Variants in SLC44A5 observed in about 807,000 individuals in gnomAD.
SLC44A5 encodes the protein choline transporter-like protein 5.
Under a neutral mutation model 101.8 loss-of-function variants are expected in SLC44A5, and 57 were observed. The observed-to-expected ratio is 0.56, with a 90% CI of 0.45 to 0.70. The LOEUF is 0.70. Ranked by LOEUF, SLC44A5 falls within the 30% of genes least tolerant of loss-of-function variation. The pLI is 0.00. For missense variants in SLC44A5, 737 were observed against 853.1 expected (o/e 0.86, Z 1.70); for synonymous variants, 281 against 290.9 (o/e 0.97, Z 0.35).
chr1:75,241,544 C>T (rs1451917059), intron 9 of SLC44A5, among the ~76,000 whole-genome samples: 1 of 151,924 alleles, frequency 6.6e-6, no homozygotes, highest in African/African-American at 2.4e-5. Flanking sequence ...GTATACAGTT[C>T]ATAATTTTAA....
At chr1:75,229,700 ATATT>A (rs1470270892) in intron 12 of SLC44A5, among the ~76,000 whole-genome samples, 5 of 152,190 alleles carry the variant, frequency 3.3e-5, no homozygotes, top group African/African-American at 4.8e-5. Context: ...TCTAAGATAT[ATATT>A]ACTTAGGCTA....
chr1:75,641,843 ACCT>A, the SLC44A5 span: 2 of 1,504,844 alleles, frequency 1.3e-6, no homozygotes, highest in Non-Finnish European at 1.9e-6. Flanking sequence ...CCTCAAAATA[ACCT>A]CCTCTTCAAA....
chr1:75,618,017 G>T, the SLC44A5 span, among the ~76,000 whole-genome samples: 1 of 152,336 alleles, frequency 6.6e-6, no homozygotes, highest in Admixed American at 6.5e-5. Context: ...ATTCGTGGAG[G>T]TATGATAACT....
At chr1:75,499,733 CATT>C in intron 2 of SLC44A5, among the ~76,000 whole-genome samples, 1 of 152,132 alleles carries the variant, frequency 6.6e-6, no homozygotes, top group East Asian at 1.9e-4. Flanking sequence ...AATACTGTAT[CATT>C]TCATGTGAAC....
chr1:75,686,127 C>T, the SLC44A5 span, among the ~76,000 whole-genome samples: 1 of 152,166 alleles, frequency 6.6e-6, no homozygotes, highest in Non-Finnish European at 1.5e-5. Context: ...CACCAGGTCC[C>T]TCCCATGACA....
chr1:75,228,211 GA>G (rs1266574106), intron 12 of SLC44A5, among the ~76,000 whole-genome samples: 7 of 152,050 alleles, frequency 4.6e-5, no homozygotes, highest in African/African-American at 1.7e-4. Context: ...ACGAATTTAT[GA>G]TTATCCATTT....
intron 6 of SLC44A5, among the ~76,000 whole-genome samples, chr1:75,264,561 A>C (rs1215503328): frequency 1.3e-5 from 2 of 152,256 alleles, no homozygotes; most frequent in Non-Finnish European, 2.9e-5. Context: ...GTCAAGAAAG[A>C]AATTAGGAGG....
intron 2 of SLC44A5, among the ~76,000 whole-genome samples, chr1:75,509,436 G>C (rs888599814): frequency 6.6e-6 from 1 of 152,178 alleles, no homozygotes; most frequent in Admixed American, 6.5e-5. Context: ...TGATCGGAAA[G>C]GCTTTAAATA....
chr1:75,702,646 A>C, the SLC44A5 span, among the ~76,000 whole-genome samples: 5 of 152,218 alleles, frequency 3.3e-5, no homozygotes, highest in African/African-American at 1.2e-4. Context: ...AACAAAAGCC[A>C]AAATTGACAA....
chr1:75,449,240 T>C (rs933531665), intron 2 of SLC44A5, among the ~76,000 whole-genome samples: 1 of 152,226 alleles, frequency 6.6e-6, no homozygotes, highest in Non-Finnish European at 1.5e-5. Context: ...AATTTTGGCT[T>C]GTTGCTTTCA....
chr1:75,673,199 C>T, the SLC44A5 span, among the ~76,000 whole-genome samples: 2,782 of 152,150 alleles, frequency 0.018, 97 homozygotes, highest in African/African-American at 0.062. Context: ...TCTAAACCTG[C>T]CCTGTGCCAG....
intron 2 of SLC44A5, among the ~76,000 whole-genome samples, chr1:75,423,804 C>A (rs1052511612): frequency 6.6e-6 from 1 of 152,190 alleles, no homozygotes; most frequent in Non-Finnish European, 1.5e-5. Flanking sequence ...CACTTGCATA[C>A]CCATTAAGTT....
At chr1:75,501,610 C>T (rs1557851945) in intron 2 of SLC44A5, among the ~76,000 whole-genome samples, 1 of 152,132 alleles carries the variant, frequency 6.6e-6, no homozygotes, top group African/African-American at 2.4e-5. Flanking sequence ...TTGAAAGAAA[C>T]ATGATCAAGT....
At chr1:75,222,099 G>C (rs2100512578) in intron 14 of SLC44A5, among the ~76,000 whole-genome samples, 1 of 151,828 alleles carries the variant, frequency 6.6e-6, no homozygotes, top group East Asian at 1.9e-4. Flanking sequence ...GCTGGTTACA[G>C]GCATGCGCCA....
chr1:75,237,147 G>T, intron 10 of SLC44A5, 77 bp from the exon 11 acceptor site: 2 of 842,662 alleles, frequency 2.4e-6, no homozygotes, highest in South Asian at 1.7e-5. Context: ...TGATAAAAGG[G>T]ATTCTGCAAG....
chr1:75,508,874 C>T (rs1160204531), intron 2 of SLC44A5, among the ~76,000 whole-genome samples: 3 of 152,068 alleles, frequency 2.0e-5, no homozygotes, highest in Non-Finnish European at 4.4e-5. Context: ...TGAAAAAATG[C>T]TAAATCATTT....
At chr1:75,434,732 T>C (rs567041139) in intron 2 of SLC44A5, among the ~76,000 whole-genome samples, 5 of 152,234 alleles carry the variant, frequency 3.3e-5, no homozygotes, top group Non-Finnish European at 7.4e-5. Context: ...TCTTTCCACT[T>C]ATTTCTAGAA....
At chr1:75,675,999 A>G in the SLC44A5 span, among the ~76,000 whole-genome samples, 1 of 152,242 alleles carries the variant, frequency 6.6e-6, no homozygotes, top group African/African-American at 2.4e-5. Flanking sequence ...CTGCAATGAG[A>G]TATCATCTCA....
intron 4 of SLC44A5, among the ~76,000 whole-genome samples, chr1:75,330,296 C>T (rs911906985): frequency 6.6e-6 from 1 of 151,902 alleles, no homozygotes; most frequent in Non-Finnish European, 1.5e-5. Context: ...ACTCAACACT[C>T]CAGCCCTGGG....
Sources: gnomAD v4.1 joint callset for allele counts (sites outside exome capture counted in the v4.1 genomes callset) on GRCh38, gnomAD v4.1.1 for gene constraint, MANE v1.5 for transcripts, NCBI Gene and HGNC (gene_info 2026-07-23, HGNC 2026-07-21) for gene names.